MAP4K5: variants seen among roughly 807,000 people sequenced by gnomAD.
MAP4K5 encodes the protein mitogen-activated protein kinase kinase kinase kinase 5.
A neutral mutation model predicts 135.6 loss-of-function variants in MAP4K5; 82 were observed. The observed-to-expected ratio is 0.60, with a 90% CI of 0.51 to 0.73. The LOEUF (loss-of-function observed/expected upper bound fraction) is 0.73. Ranked by LOEUF, MAP4K5 falls within the 30% of genes least tolerant of loss-of-function variation. The pLI is 0.00. For synonymous variants in MAP4K5, 347 were observed against 335.0 expected, an observed-to-expected ratio of 1.04 and a Z score of -0.39; for missense variants, 907 against 1,010.9, an observed-to-expected ratio of 0.90 and a Z score of 1.39.
At chr14:50,427,022 G>C (rs1367999833) in intron 30 of MAP4K5, among the ~76,000 whole-genome samples, 1 of 152,132 alleles carries the variant, frequency 6.6e-6, no homozygotes, top group Non-Finnish European at 1.5e-5. Context: ...CAAATCACAT[G>C]TGTTTCACTA....
intron 3 of MAP4K5, among the ~76,000 whole-genome samples, chr14:50,490,039 T>C (rs1026522565): frequency 3.3e-5 from 5 of 151,738 alleles, no homozygotes; most frequent in Admixed American, 3.3e-4. Flanking sequence ...TGAAGACAGA[T>C]GCTTATTTCC....
At chr14:50,522,847 T>C (rs1389649) in intron 2 of MAP4K5, among the ~76,000 whole-genome samples, 139,168 of 152,236 alleles carry the variant, frequency 0.91, 64,888 homozygotes, top group East Asian at 1. Context: ...CATCTATTTT[T>C]TATTACCTTC....
chr14:50,433,415 G>A (rs2036019081), intron 28 of MAP4K5, among the ~76,000 whole-genome samples: 1 of 152,176 alleles, frequency 6.6e-6, no homozygotes, highest in Non-Finnish European at 1.5e-5. Flanking sequence ...TTGGTAGTTT[G>A]AAATTGGCCA....
chr14:50,493,986 G>T (rs1270924588), intron 3 of MAP4K5, among the ~76,000 whole-genome samples: 1 of 146,568 alleles, frequency 6.8e-6, no homozygotes, highest in Admixed American at 6.8e-5. Context: ...AGAATCCATC[G>T]CAAAAAAAAA....
intron 5 of MAP4K5, among the ~76,000 whole-genome samples, chr14:50,485,083 T>C (rs944788436): frequency 6.6e-6 from 1 of 152,056 alleles, no homozygotes; most frequent in African/African-American, 2.4e-5. Context: ...CTAAACAGTA[T>C]TAGACTGTAA....
chr14:50,434,807 T>G (rs1242887752), intron 27 of MAP4K5, among the ~76,000 whole-genome samples, 155 bp downstream of exon 27: 2 of 152,174 alleles, frequency 1.3e-5, no homozygotes, highest in Non-Finnish European at 2.9e-5. Flanking sequence ...AAAGAGTAAA[T>G]CCTAAGAACA....
chr14:50,552,408 G>A (rs2038713884), intron 1 of MAP4K5, among the ~76,000 whole-genome samples: 1 of 152,132 alleles, frequency 6.6e-6, no homozygotes, highest in African/African-American at 2.4e-5. Flanking sequence ...TCATGAATAG[G>A]TAGAATCAAT....
chr14:50,433,202 T>G (rs1028898517), intron 28 of MAP4K5, among the ~76,000 whole-genome samples: 3 of 152,214 alleles, frequency 2.0e-5, no homozygotes, highest in Non-Finnish European at 2.9e-5. Context: ...TTGTACCTTT[T>G]CTGTTAGCTG....
chr14:50,491,003 GTT>G, intron 3 of MAP4K5, among the ~76,000 whole-genome samples: 1 of 152,142 alleles, frequency 6.6e-6, no homozygotes, highest in Admixed American at 6.5e-5. Context: ...GAGTAAGTCG[GTT>G]GCACCCCTCG....
At chr14:50,424,168 T>TAA (rs201625500) in intron 31 of MAP4K5, among the ~76,000 whole-genome samples, 54 of 140,572 alleles carry the variant, frequency 3.8e-4, no homozygotes, top group Admixed American at 6.3e-4. Context: ...TAAAGTAAGT[T>TAA]AAAAAAAAAA....
chr14:50,420,956 A>G (rs1258868689), intron 32 of MAP4K5, among the ~76,000 whole-genome samples: 2 of 152,094 alleles, frequency 1.3e-5, no homozygotes, highest in East Asian at 3.9e-4. Context: ...AAAATAAAAA[A>G]TAATATACCC....
intron 14 of MAP4K5, among the ~76,000 whole-genome samples, chr14:50,452,416 G>C (rs930870989): frequency 6.6e-6 from 1 of 152,126 alleles, no homozygotes; most frequent in African/African-American, 2.4e-5. Context: ...AGTGACGGCA[G>C]TTCCCCTGGA....
intron 5 of MAP4K5, 132 bp from the exon 6 acceptor site, chr14:50,482,548 GCAGGCGGA>G: frequency 1.9e-5 from 11 of 575,914 alleles, no homozygotes; most frequent in South Asian, 4.0e-5. Flanking sequence ...GGAGGCCAAG[GCAGGCGGA>G]TCACGAGGTC....
At chr14:50,501,418 AT>A (rs1286347708) in intron 3 of MAP4K5, among the ~76,000 whole-genome samples, 5 of 151,956 alleles carry the variant, frequency 3.3e-5, no homozygotes, top group African/African-American at 1.2e-4. Context: ...CCCAGCTATA[AT>A]TTTTTTTAAA....
chr14:50,517,245 G>A (rs1479628059), intron 2 of MAP4K5, among the ~76,000 whole-genome samples: 1 of 151,424 alleles, frequency 6.6e-6, no homozygotes, highest in Non-Finnish European at 1.5e-5. Flanking sequence ...TCTGCCTCCT[G>A]GGTTGAAGCA....
intron 2 of MAP4K5, among the ~76,000 whole-genome samples, chr14:50,529,277 C>T (rs1247350867): frequency 6.6e-6 from 1 of 152,090 alleles, no homozygotes; most frequent in Non-Finnish European, 1.5e-5. Flanking sequence ...GTGCCAGCTA[C>T]TTGGGGGGCT....
At chr14:50,458,901 T>TG (rs2036649672) in intron 13 of MAP4K5, among the ~76,000 whole-genome samples, 1 of 152,102 alleles carries the variant, frequency 6.6e-6, no homozygotes, top group African/African-American at 2.4e-5. Context: ...CTTGACCTCT[T>TG]GCATTAAAGT....
At position 50,419,826 on chromosome 14, in the gene MAP4K5, A is replaced by G. The variant is rs752182379; in HGVS notation, c.*193T>C. On this transcript the variant is annotated 3_prime_UTR_variant, in exon 33 of 33. Coordinates refer to ENST00000682126, the MANE Select transcript of MAP4K5 (RefSeq NM_006575.6). ...ATTAAGCAAACTTGATATAACCACC[A>G]CACAGTGGCAAGAGATAGACTAGCT... The G allele has an allele frequency of 1.1e-5, 6 of 534,912 alleles. No individual in the cohort carries two copies. The highest frequency in any genetic ancestry group is 2.0e-5 in the Non-Finnish European group (6 of 298,796). The allele number at this position is 534,912 out of a possible 1,614,324, so 33.1% of individuals were successfully genotyped here.
At chr14:50,448,708 A>G in intron 15 of MAP4K5, 66 bp downstream of exon 15, 1 of 888,926 alleles carries the variant, frequency 1.1e-6, no homozygotes, top group Non-Finnish European at 1.8e-6. Context: ...ATCAAAGTAC[A>G]ACTAACAAAA....
Sources: gnomAD v4.1 joint callset for allele counts (sites outside exome capture counted in the v4.1 genomes callset) on GRCh38, gnomAD v4.1.1 for gene constraint, MANE v1.5 for transcripts, NCBI Gene and HGNC (gene_info 2026-07-23, HGNC 2026-07-21) for gene names.